Variants in DGKI observed in about 807,000 individuals in gnomAD.
DGKI encodes the protein diacylglycerol kinase iota.
In DGKI, 55 loss-of-function variants were observed where a neutral mutation model predicts 147.5. That is an observed-to-expected ratio of 0.37 (90% CI 0.30 to 0.47). The LOEUF (loss-of-function observed/expected upper bound fraction) is 0.47, where lower values mean the gene tolerates loss of function less well. DGKI is among the 20% of genes least tolerant of loss of function. The pLI, the probability that DGKI is intolerant of heterozygous loss-of-function variation, is 1.00. For synonymous variants in DGKI, 469 were observed against 477.1 expected (o/e 0.98, Z 0.22); for missense variants, 1,007 against 1,323.8 (o/e 0.76, Z 3.71).
chr7:137,803,275 A>G (rs1230325755), intron 1 of DGKI, among the ~76,000 whole-genome samples: 1 of 152,166 alleles, frequency 6.6e-6, no homozygotes, highest in African/African-American at 2.4e-5. Flanking sequence ...AGTTTGAAAA[A>G]GGGGGCTGTG....
intron 1 of DGKI, among the ~76,000 whole-genome samples, chr7:137,770,845 TAA>T (rs1796172540): frequency 1.3e-5 from 2 of 151,858 alleles, no homozygotes; most frequent in African/African-American, 4.9e-5. Flanking sequence ...CAGTGGGTTT[TAA>T]TAAAATATTT....
chr7:137,555,675 G>A (rs2128968110), intron 19 of DGKI, among the ~76,000 whole-genome samples: 1 of 152,150 alleles, frequency 6.6e-6, no homozygotes, highest in East Asian at 1.9e-4. Flanking sequence ...ACGAAGTTTG[G>A]TGTAATAAAT....
rs1331063566 is a variant in DGKI at position 137,487,692 on chromosome 7, A to G, written c.2249-3T>C. 2.5e-6 allele frequency: 4 copies of G among 1,612,972 alleles called. No homozygotes were observed. In the Admixed American group the frequency reaches 6.7e-5, roughly 27 times the overall value. On this transcript the variant is annotated splice_region_variant and splice_polypyrimidine_tract_variant and intron_variant, in intron 21 of 32. Coordinates refer to ENST00000614521, the MANE Select transcript of DGKI (RefSeq NM_001321708.2). ...AACTAGAATACCCAGAGGTATCGCT[A>G]AGGGTGAAGGAAGAAGAAAAATCTA...
At chr7:137,806,157 A>G (rs560681510) in intron 1 of DGKI, among the ~76,000 whole-genome samples, 19 of 152,332 alleles carry the variant, frequency 1.2e-4, no homozygotes, top group African/African-American at 4.3e-4. Flanking sequence ...ATGGCTTTAG[A>G]AGGCAGGGGA....
At chr7:137,643,631 C>T (rs562416899) in intron 6 of DGKI, among the ~76,000 whole-genome samples, 70 of 152,114 alleles carry the variant, frequency 4.6e-4, no homozygotes, top group Non-Finnish European at 7.9e-4. Flanking sequence ...CCACTGACGA[C>T]GGACGTGCAG....
At chr7:137,473,919 A>G (rs1279828997) in intron 23 of DGKI, among the ~76,000 whole-genome samples, 1 of 152,212 alleles carries the variant, frequency 6.6e-6, no homozygotes, top group Non-Finnish European at 1.5e-5. Context: ...ACAATTGGAT[A>G]CTTTCCTGGT....
In DGKI at chr7:137,679,402, CTGTT is replaced by C. The variant is rs542893786; in HGVS notation, c.511-754_511-751del. Among the ~76,000 whole-genome samples the C allele has an allele frequency of 6.3e-3, 936 of 147,614 alleles. 13 individuals carry two copies. The highest frequency in any genetic ancestry group is 0.023 in the African/African-American group (888 of 39,184). On this transcript the variant is annotated intron_variant, in intron 2 of 32. Transcript: ENST00000614521. ...GGTATTGGGGAAAGGGGGAAGCAAACTGTTTTTTTTTTTTTTTAATCGTACGATG... is the reference window on the plus strand; with the variant it reads ...GGTATTGGGGAAAGGGGGAAGCAAACTTTTTTTTTTTTTAATCGTACGATG...
chr7:137,433,803 C>G (rs1460405236), intron 28 of DGKI, among the ~76,000 whole-genome samples: 1 of 152,120 alleles, frequency 6.6e-6, no homozygotes, highest in African/African-American at 2.4e-5. Flanking sequence ...TCTGATGGCC[C>G]CTTCTCATCT....
chr7:137,396,913 T>C (rs1312835994), intron 31 of DGKI, among the ~76,000 whole-genome samples: 1 of 152,208 alleles, frequency 6.6e-6, no homozygotes, highest in Non-Finnish European at 1.5e-5. Flanking sequence ...AGTGACTATG[T>C]TCTCAGTTCT....
At chr7:137,553,899 T>C (rs1818134045) in intron 19 of DGKI, among the ~76,000 whole-genome samples, 1 of 152,316 alleles carries the variant, frequency 6.6e-6, no homozygotes, top group South Asian at 2.1e-4. Flanking sequence ...TCATGACAGA[T>C]AAAATGTAAA....
At chr7:137,677,534 G>A (rs1475024686) in intron 3 of DGKI, among the ~76,000 whole-genome samples, 3 of 152,056 alleles carry the variant, frequency 2.0e-5, no homozygotes, top group South Asian at 2.1e-4. Context: ...CAACAAAAAA[G>A]GTCTTGGTTC....
At chr7:137,607,794 G>A (rs1455300395) in intron 10 of DGKI, among the ~76,000 whole-genome samples, 1 of 152,160 alleles carries the variant, frequency 6.6e-6, no homozygotes, top group Non-Finnish European at 1.5e-5. Flanking sequence ...CTCCTCTAAT[G>A]ATGTCTTAGA....
At chr7:137,652,367 G>C (rs1822059031) in intron 5 of DGKI, among the ~76,000 whole-genome samples, 1 of 152,100 alleles carries the variant, frequency 6.6e-6, no homozygotes, top group Non-Finnish European at 1.5e-5. Context: ...CTCTTCCCCT[G>C]CCTCCACATT....
At chr7:137,439,855 G>A in intron 28 of DGKI, among the ~76,000 whole-genome samples, 1 of 152,194 alleles carries the variant, frequency 6.6e-6, no homozygotes. Context: ...ACAGGAGAGG[G>A]ATGCCTGCCT....
chr7:137,444,123 T>A, intron 27 of DGKI, 21 bp from the exon 28 acceptor site: 1 of 1,348,656 alleles, frequency 7.4e-7, no homozygotes. Context: ...ATAATAAGCA[T>A]GATCAATATT....
chr7:137,843,498 G>A (rs1329370775), intron 1 of DGKI: 2 of 911,630 alleles, frequency 2.2e-6, no homozygotes, highest in Non-Finnish European at 2.6e-6. Context: ...GGGAAAAATG[G>A]TTCTCAAAAA....
intron 6 of DGKI, among the ~76,000 whole-genome samples, chr7:137,632,337 G>GA (rs764249102): frequency 1.1e-4 from 16 of 152,300 alleles, no homozygotes; most frequent in South Asian, 4.1e-4. Context: ...TTGATTGAAG[G>GA]AGAGGGTAAG....
chr7:137,402,584 C>A (rs1288569815), intron 30 of DGKI, among the ~76,000 whole-genome samples: 3 of 152,214 alleles, frequency 2.0e-5, no homozygotes, highest in Admixed American at 2.0e-4. Flanking sequence ...ATATGACGTG[C>A]CTTTTGTCAC....
chr7:137,843,894 A>G (rs1429847743), intron 1 of DGKI, among the ~76,000 whole-genome samples: 4 of 150,934 alleles, frequency 2.7e-5, no homozygotes, highest in African/African-American at 9.8e-5. Flanking sequence ...GCAAATCTCC[A>G]CTCCTCCACC....
Sources: gnomAD v4.1 joint callset for allele counts (sites outside exome capture counted in the v4.1 genomes callset) on GRCh38, gnomAD v4.1.1 for gene constraint, MANE v1.5 for transcripts, NCBI Gene and HGNC (gene_info 2026-07-23, HGNC 2026-07-21) for gene names.